FMNL2: variants seen among roughly 807,000 people sequenced by gnomAD.
FMNL2 encodes the protein formin-like protein 2.
A neutral mutation model predicts 130.2 loss-of-function variants in FMNL2; 51 were observed. The observed-to-expected ratio is 0.39, with a 90% CI of 0.31 to 0.49. FMNL2 has a LOEUF of 0.49. FMNL2 is among the 20% of genes least tolerant of loss of function. The pLI, the probability that FMNL2 is intolerant of heterozygous loss-of-function variation, is 0.85. For synonymous variants in FMNL2, 465 were observed against 467.1 expected, an observed-to-expected ratio of 1.00 and a Z score of 0.06; for missense variants, 977 against 1,316.2, an observed-to-expected ratio of 0.74 and a Z score of 3.99.
intron 1 of FMNL2, among the ~76,000 whole-genome samples, chr2:152,471,074 C>G (rs1040240658): frequency 1.4e-4 from 22 of 152,032 alleles, no homozygotes; most frequent in African/African-American, 5.1e-4. Context: ...TAAGAGACCT[C>G]CCTTTCATGT....
intron 1 of FMNL2, among the ~76,000 whole-genome samples, chr2:152,426,738 A>G (rs1687222658): frequency 6.6e-6 from 1 of 151,994 alleles, no homozygotes; most frequent in African/African-American, 2.4e-5. Context: ...TTTTGCATAT[A>G]TGCAGTACTT....
intron 2 of FMNL2, among the ~76,000 whole-genome samples, chr2:152,534,480 T>TA (rs1237782007): frequency 6.6e-6 from 1 of 151,998 alleles, no homozygotes; most frequent in Non-Finnish European, 1.5e-5. Flanking sequence ...GCTTGTAATT[T>TA]AAAAAAATTC....
intron 1 of FMNL2, among the ~76,000 whole-genome samples, chr2:152,471,548 G>A (rs1407711461): frequency 2.0e-5 from 3 of 152,172 alleles, no homozygotes; most frequent in African/African-American, 4.8e-5. Flanking sequence ...TATAGTCCAC[G>A]TGGGGGTGGG....
intron 1 of FMNL2, among the ~76,000 whole-genome samples, chr2:152,369,658 A>G (rs1192531348): frequency 6.6e-6 from 1 of 152,174 alleles, no homozygotes; most frequent in African/African-American, 2.4e-5. Context: ...GGACATGTAC[A>G]TAGTTAACAG....
intron 15 of FMNL2, among the ~76,000 whole-genome samples, chr2:152,620,257 G>A (rs1400589942): frequency 6.6e-6 from 1 of 152,118 alleles, no homozygotes; most frequent in East Asian, 1.9e-4. Context: ...TAAACTTCAA[G>A]GAGGAAGTGC....
chr2:152,481,323 A>G (rs1334149088), intron 1 of FMNL2, among the ~76,000 whole-genome samples: 2 of 152,234 alleles, frequency 1.3e-5, no homozygotes, highest in Non-Finnish European at 1.5e-5. Context: ...CCTAAAATAC[A>G]CTTAACTGAT....
intron 1 of FMNL2, among the ~76,000 whole-genome samples, chr2:152,350,770 C>T (rs916129420): frequency 6.6e-6 from 1 of 152,180 alleles, no homozygotes; most frequent in Admixed American, 6.5e-5. Context: ...GAAGGCTGGG[C>T]ACGGTGGCTC....
intron 1 of FMNL2, among the ~76,000 whole-genome samples, chr2:152,347,064 C>G (rs1682165057): frequency 6.8e-6 from 1 of 146,016 alleles, no homozygotes; most frequent in African/African-American, 2.5e-5. Flanking sequence ...GCACTCCAGT[C>G]TGGGTGACAG....
chr2:152,624,776 G>T (rs1325439593), intron 15 of FMNL2, among the ~76,000 whole-genome samples: 2 of 152,186 alleles, frequency 1.3e-5, no homozygotes, highest in African/African-American at 4.8e-5. Context: ...GGTCAAGGCT[G>T]CAGCGAGCCA....
chr2:152,629,273 C>A (rs904695051), intron 18 of FMNL2, among the ~76,000 whole-genome samples: 1 of 151,952 alleles, frequency 6.6e-6, no homozygotes, highest in East Asian at 1.9e-4. Context: ...ATTTTTGATG[C>A]CTCCTTCATT....
chr2:152,415,242 T>C (rs1265787991), intron 1 of FMNL2, among the ~76,000 whole-genome samples: 1 of 150,626 alleles, frequency 6.6e-6, no homozygotes, highest in Non-Finnish European at 1.5e-5. Flanking sequence ...GATGGAGGAG[T>C]TTTTGAATCA....
chr2:152,508,156 A>C (rs907335896), intron 1 of FMNL2, among the ~76,000 whole-genome samples: 3 of 152,138 alleles, frequency 2.0e-5, no homozygotes, highest in African/African-American at 7.2e-5. Context: ...AGAGACAATG[A>C]ATGGACCTAT....
Position 152,596,631 on chromosome 2 carries a change from A to G in FMNL2, c.877-10708A>G, listed in dbSNP as rs538793823. On this transcript the variant is annotated intron_variant, in intron 9 of 25. Coordinates refer to ENST00000288670, the MANE Select transcript of FMNL2 (RefSeq NM_052905.4). ...ATTTTCCATATTAGAAATTACAACA[A>G]AATTTCAGGCCAGGCATGGTGGCTC... 4.6e-5 allele frequency among the ~76,000 whole-genome samples: 7 copies of G among 152,346 alleles called. No homozygotes were observed. The South Asian group carries it at 1.2e-3, about 27-fold the overall frequency.
intron 6 of FMNL2, among the ~76,000 whole-genome samples, chr2:152,561,954 G>T (rs1164962768): frequency 6.6e-6 from 1 of 152,164 alleles, no homozygotes; most frequent in Non-Finnish European, 1.5e-5. Flanking sequence ...TGCTAAGGGA[G>T]GATTGGTGCT....
rs368454391 is a variant in FMNL2, at chr2:152,472,105, CAG to C, written c.118-49835_118-49834del. 3.9e-4 allele frequency among the ~76,000 whole-genome samples: 60 copies of C among 152,232 alleles called. No homozygotes were observed. In the South Asian group the frequency reaches 5.4e-3, roughly 14 times the overall value. ...TTCTTATTGTGATACTATAATCAAA[CAG>C]AGTGATTTCATTGCTTCGATTAATA... On this transcript the variant is annotated intron_variant, in intron 1 of 25. Transcript: ENST00000288670.
intron 1 of FMNL2, among the ~76,000 whole-genome samples, chr2:152,399,689 G>C (rs1214132939): frequency 1.3e-5 from 2 of 152,162 alleles, no homozygotes; most frequent in African/African-American, 4.8e-5. Context: ...CTTTAGGGAG[G>C]GAACTTGTAT....
chr2:152,592,079 G>C (rs1000960430), intron 9 of FMNL2, among the ~76,000 whole-genome samples: 3 of 152,168 alleles, frequency 2.0e-5, no homozygotes, highest in African/African-American at 7.2e-5. Flanking sequence ...CTCCAGCCTG[G>C]TGGCAGAGCG....
intron 1 of FMNL2, among the ~76,000 whole-genome samples, chr2:152,402,281 A>G (rs780380941): frequency 3.3e-5 from 5 of 152,208 alleles, no homozygotes; most frequent in Non-Finnish European, 7.4e-5. Context: ...AGGTATGAAC[A>G]GGTGTGCTCT....
chr2:152,512,145 A>G (rs1386764919), intron 1 of FMNL2, among the ~76,000 whole-genome samples: 1 of 152,166 alleles, frequency 6.6e-6, no homozygotes, highest in East Asian at 1.9e-4. Context: ...CATTCAGCAC[A>G]CAAATGTGTG....
Sources: gnomAD v4.1 joint callset for allele counts (sites outside exome capture counted in the v4.1 genomes callset) on GRCh38, gnomAD v4.1.1 for gene constraint, MANE v1.5 for transcripts, NCBI Gene and HGNC (gene_info 2026-07-23, HGNC 2026-07-21) for gene names.